The following GSN variants were observed in gnomAD, a reference collection of about 807,000 sequenced individuals.
GSN encodes the protein actin-depolymerizing factor.
A neutral mutation model predicts 85.7 loss-of-function variants in GSN; 56 were observed. The observed-to-expected ratio is 0.65, with a 90% confidence interval of 0.53 to 0.82. GSN has a LOEUF of 0.82. GSN is among the 40% of genes least tolerant of loss of function. The pLI is 0.00. For synonymous variants in GSN, 373 were observed against 399.1 expected, an observed-to-expected ratio of 0.93 and a Z score of 0.78; for missense variants, 857 against 979.8, an observed-to-expected ratio of 0.87 and a Z score of 1.67.
chr9:121,300,642 ACCCT>A (rs1313030916), intron 2 of GSN, among the ~76,000 whole-genome samples: 1 of 151,382 alleles, frequency 6.6e-6, no homozygotes, highest in East Asian at 1.9e-4. Context: ...ACCCTCCTGC[ACCCT>A]CCCCGGCCCC....
intron 11 of GSN, among the ~76,000 whole-genome samples, 200 bp downstream of exon 11, chr9:121,321,601 A>G (rs1203827108): frequency 6.6e-6 from 1 of 152,228 alleles, no homozygotes; most frequent in East Asian, 1.9e-4. Flanking sequence ...TTATACATCT[A>G]TTGTAGGATA....
chr9:121,291,601 G>C (rs1266981238), intron 2 of GSN, among the ~76,000 whole-genome samples: 1 of 151,818 alleles, frequency 6.6e-6, no homozygotes, highest in Non-Finnish European at 1.5e-5. Context: ...TGTATTTTTA[G>C]TAGAGATGGG....
intron 5 of GSN, among the ~76,000 whole-genome samples, chr9:121,245,713 A>C (rs2054686014): frequency 6.6e-6 from 1 of 152,200 alleles, no homozygotes; most frequent in African/African-American, 2.4e-5. Context: ...TACTAAAAAT[A>C]ATTGAAATTC....
At chr9:121,279,039 C>T (rs2057014592) in intron 1 of GSN, among the ~76,000 whole-genome samples, 1 of 152,136 alleles carries the variant, frequency 6.6e-6, no homozygotes, top group Admixed American at 6.5e-5. Context: ...AGCCCTAGGC[C>T]AGGCTCTGGG....
intron 4 of GSN, among the ~76,000 whole-genome samples, chr9:121,223,766 T>A (rs1419367825): frequency 1.3e-5 from 2 of 152,084 alleles, no homozygotes; most frequent in Non-Finnish European, 2.9e-5. Flanking sequence ...TTCAAGCGAT[T>A]CTCGTGCCTC....
intron 2 of GSN, among the ~76,000 whole-genome samples, chr9:121,292,030 A>G (rs1463836460): frequency 6.6e-6 from 1 of 152,078 alleles, no homozygotes; most frequent in Non-Finnish European, 1.5e-5. Context: ...CCCAGTAGCT[A>G]GAACTACTGG....
chr9:121,310,729 G>A lies in GSN; in HGVS notation c.397G>A (p.Val133Met), dbSNP rs368197143. The A allele has an allele frequency of 5.8e-5, 94 of 1,614,068 alleles. No individual in the cohort carries two copies. Among genetic ancestry groups the A allele is most frequent in the Admixed American group, 2.2e-4 (13 of 60,000 alleles). Residue 133 changes from valine to methionine, a missense_variant, in exon 5 of 18, where the codon GTG becomes ATG. Transcript: ENST00000432226. ...SGFKHVVPNE[V>M]VVQRLFQVKG... ...ATTCAAGCACGTGGTACCCAACGAG[G>A]TGGTGGTGCAGAGACTCTTCCAGGT...
chr9:121,249,173 AAG>A (rs2054762968), intron 6 of GSN, among the ~76,000 whole-genome samples: 3 of 152,072 alleles, frequency 2.0e-5, no homozygotes, highest in Non-Finnish European at 4.4e-5. Context: ...AAGGAGATGC[AAG>A]AGACTGGGCG....
At chr9:121,250,908 T>C (rs2054815266) in intron 6 of GSN, among the ~76,000 whole-genome samples, 1 of 145,608 alleles carries the variant, frequency 6.9e-6, no homozygotes, top group African/African-American at 2.6e-5. Flanking sequence ...TGTGTGTGTG[T>C]GTGCTTTGAG....
intron 5 of GSN, among the ~76,000 whole-genome samples, chr9:121,241,633 C>T (rs773533822): frequency 2.0e-5 from 3 of 152,166 alleles, no homozygotes; most frequent in Non-Finnish European, 4.4e-5. Context: ...CTGTAAAGCA[C>T]GTTTCATGCT....
chr9:121,312,434 C>G lies in GSN; in HGVS notation c.609C>G (p.Gly203=), dbSNP rs773751806. 4 of 1,614,132 alleles carry G rather than the reference C, an allele frequency of 2.5e-6. No homozygotes were observed. The highest frequency in any genetic ancestry group is 2.5e-6 in the Non-Finnish European group (3 of 1,180,008). ...GCATCCGGGACAACGAGCGGAGTGG[C>G]CGGGCCCGAGTGCACGTGTCTGAGG... is the stretch of plus-strand genomic sequence containing the variant. The part of the protein sequence containing the change: ...SKGIRDNERS[G]RARVHVSEEG... The change falls in exon 6 of 18, where the codon GGC becomes GGG. Residue 203 remains glycine, a synonymous_variant. Transcript: ENST00000432226.
intron 2 of GSN, among the ~76,000 whole-genome samples, chr9:121,294,352 C>G (rs1218582565): frequency 6.6e-6 from 1 of 152,190 alleles, no homozygotes; most frequent in Non-Finnish European, 1.5e-5. Context: ...TACTGACCCA[C>G]CACACCTCTC....
intron 2 of GSN, chr9:121,282,311 G>A (rs2057484673): frequency 4.9e-6 from 3 of 607,890 alleles, no homozygotes; most frequent in African/African-American, 1.9e-5. Flanking sequence ...AGTGAGACAG[G>A]AAGGATCACT....
chr9:121,324,678 C>T (rs2062930679), intron 12 of GSN, 34 bp downstream of exon 12: 2 of 1,055,760 alleles, frequency 1.9e-6, no homozygotes, highest in Non-Finnish European at 2.9e-6. Flanking sequence ...TGGGCTGCAG[C>T]CTGAGCCTTG....
intron 4 of GSN, among the ~76,000 whole-genome samples, chr9:121,307,051 G>A (rs1371342981): frequency 6.6e-6 from 1 of 152,144 alleles, no homozygotes; most frequent in Admixed American, 6.5e-5. Flanking sequence ...CGTGGTGGCG[G>A]GTGCCCGTAA....
chr9:121,332,518 C>G lies in GSN; in HGVS notation c.2111C>G (p.Ser704Cys). Residue 704 changes from serine to cysteine, a missense_variant, in exon 18 of 18, where the codon TCC (serine) becomes TGC (cysteine). By Grantham distance (112) the Ser-to-Cys change is moderately radical. Coordinates refer to ENST00000432226, the MANE Select transcript of GSN (RefSeq NM_198252.3). This position sits in a 1 kb window ranked among gnomAD's most constrained non-coding sequence, Gnocchi z 4.8. ...GTGAAGCAAGGCTTTGAGCCTCCCT[C>G]CTTTGTGGGCTGGTTCCTTGGCTGG... ...TVVKQGFEPP[S>C]FVGWFLGWDD... is the part of the protein sequence containing the mutation. 1 of 1,614,080 alleles carries G rather than the reference C, an allele frequency of 6.2e-7. No homozygotes were observed.
rs868596277 is a variant in GSN, at chr9:121,324,643, A to T, written c.1415A>T (p.Gln472Leu). 1.3e-6 allele frequency: 2 copies of T among 1,493,898 alleles called. No individual in the cohort carries two copies. The highest frequency in any genetic ancestry group is 1.8e-6 in the Non-Finnish European group (2 of 1,097,706). The allele number at this position is 1,493,898 out of a possible 1,614,324, so 92.5% of individuals were successfully genotyped here. ...GAGGAGCTGGGAGGTACCCCTGTCCAGGTGAGCCCAGCCCACCGCCTCTCT... is the reference window on the plus strand; with the variant it reads ...GAGGAGCTGGGAGGTACCCCTGTCCTGGTGAGCCCAGCCCACCGCCTCTCT... The part of the protein sequence containing the change: ...LDEELGGTPV[Q>L]SRVVQGKEPA... Residue 472 changes from glutamine to leucine, a missense_variant and splice_region_variant, in exon 12 of 18, where the codon CAG becomes CTG. Physicochemically the swap from Gln to Leu is moderately radical, Grantham distance 113 (BLOSUM62 -2). Coordinates refer to ENST00000432226, the MANE Select transcript of GSN (RefSeq NM_198252.3).
rs779678517 is a variant in GSN at position 121,327,480 on chromosome 9, C to T, written c.1760C>T (p.Pro587Leu). The stretch of plus-strand genomic sequence containing the variant: ...GTGCAGGTGGCAGAAGGCAGCGAGC[C>T]AGGTAGGAGCCGGGGTGGGGGGCCT... ...QPVQVAEGSE[P>L]DGFWEALGGK... The change falls in exon 14 of 18, where the codon CCA becomes CTA. Residue 587 changes from proline to leucine, a missense_variant and splice_region_variant. Coordinates refer to ENST00000432226, the MANE Select transcript of GSN (RefSeq NM_198252.3). 5.7e-6 allele frequency: 9 copies of T among 1,566,624 alleles called. No individual in the cohort carries two copies. Among genetic ancestry groups the T allele is most frequent in the African/African-American group, 1.3e-5 (1 of 74,150 alleles).
rs1039735085 is a variant in GSN at position 121,268,202 on chromosome 9, C to G, written c.-120C>G. 9 of 152,344 alleles carry G rather than the reference C, an allele frequency of 5.9e-5. No homozygotes were observed. Among genetic ancestry groups the G allele is most frequent in the Admixed American group, 3.9e-4 (6 of 15,294 alleles). The allele number at this position is 152,344 out of a possible 1,614,324, so 9.4% of individuals were successfully genotyped here. On this transcript the variant is annotated 5_prime_UTR_variant, in exon 1 of 18. Transcript: ENST00000432226. The stretch of plus-strand genomic sequence containing the variant: ...CAGCTGGACCCAGCAGCCGCTGTCT[C>G]CAGTGCCGCAGCAGCAGGTAGGGGA...
Sources: gnomAD v4.1 joint callset for allele counts (sites outside exome capture counted in the v4.1 genomes callset) on GRCh38, gnomAD v4.1.1 for gene constraint, Gnocchi (gnomAD v3.1) non-coding constraint, MANE v1.5 for transcripts, NCBI Gene and HGNC (gene_info 2026-07-23, HGNC 2026-07-21) for gene names.